Variants in CNOT4 observed in about 807,000 individuals in gnomAD.
CNOT4 encodes CCR4-associated factor 4.
In CNOT4, 8 loss-of-function variants were observed where a neutral mutation model predicts 73.8. That is an observed-to-expected ratio of 0.11 (90% confidence interval 0.06 to 0.20). CNOT4 has a LOEUF of 0.20. Ranked by LOEUF, CNOT4 falls within the 10% of genes least tolerant of loss-of-function variation. The pLI, the probability that CNOT4 is intolerant of heterozygous loss-of-function variation, is 1.00. For synonymous variants in CNOT4, 293 were observed against 321.1 expected, an observed-to-expected ratio of 0.91 and a Z score of 0.94; for missense variants, 564 against 883.4, an observed-to-expected ratio of 0.64 and a Z score of 4.58.
intron 1 of CNOT4, among the ~76,000 whole-genome samples, chr7:135,451,702 T>C (rs1369486616): frequency 1.3e-5 from 2 of 152,196 alleles, no homozygotes; most frequent in Non-Finnish European, 2.9e-5. Flanking sequence ...TGACTACCTT[T>C]AGGAAAATAA....
intron 1 of CNOT4, among the ~76,000 whole-genome samples, chr7:135,481,773 C>T (rs1582634): frequency 0.29 from 43,743 of 152,048 alleles, 6,578 homozygotes; most frequent in East Asian, 0.52. Flanking sequence ...GAAATCATGT[C>T]ATTTGCAGCA....
chr7:135,425,355 C>T (rs1798434581), intron 2 of CNOT4, among the ~76,000 whole-genome samples: 1 of 152,212 alleles, frequency 6.6e-6, no homozygotes, highest in South Asian at 2.1e-4. Flanking sequence ...TTTGAAAATA[C>T]ATGAACACAA....
At chr7:135,447,489 C>T (rs1234035415) in intron 1 of CNOT4, among the ~76,000 whole-genome samples, 2 of 152,084 alleles carry the variant, frequency 1.3e-5, no homozygotes, top group Non-Finnish European at 1.5e-5. Context: ...TGCTGTTATA[C>T]AAAAAAATCA....
chr7:135,464,697 A>G (rs1316825176), intron 1 of CNOT4, among the ~76,000 whole-genome samples: 3 of 152,116 alleles, frequency 2.0e-5, no homozygotes, highest in Admixed American at 2.0e-4. Flanking sequence ...AACCTACAAT[A>G]GGAATAAAAT....
intron 1 of CNOT4, among the ~76,000 whole-genome samples, chr7:135,444,167 A>C (rs1278071431): frequency 6.8e-6 from 1 of 146,020 alleles, no homozygotes; most frequent in Non-Finnish European, 1.5e-5. Context: ...AATAATAATA[A>C]TAATAATACA....
intron 2 of CNOT4, among the ~76,000 whole-genome samples, chr7:135,425,057 G>A (rs1461983081): frequency 6.6e-6 from 1 of 152,156 alleles, no homozygotes; most frequent in African/African-American, 2.4e-5. Flanking sequence ...AGTGGACTCT[G>A]CAGAATAAGA....
intron 1 of CNOT4, among the ~76,000 whole-genome samples, chr7:135,442,674 A>G (rs1363238249): frequency 1.3e-5 from 2 of 152,232 alleles, no homozygotes; most frequent in Non-Finnish European, 2.9e-5. Context: ...AGACATAGAA[A>G]TATCTTTTTA....
chr7:135,467,409 T>C (rs1801287501), intron 1 of CNOT4, among the ~76,000 whole-genome samples: 1 of 152,142 alleles, frequency 6.6e-6, no homozygotes, highest in Non-Finnish European at 1.5e-5. Flanking sequence ...CTTTATGATG[T>C]AAAGACATAA....
At chr7:135,412,832 C>G (rs1352541524) in intron 6 of CNOT4, among the ~76,000 whole-genome samples, 1 of 151,874 alleles carries the variant, frequency 6.6e-6, no homozygotes, top group African/African-American at 2.4e-5. Flanking sequence ...TGGTATAATC[C>G]TCATTTAATA....
rs1470083388 is a variant in CNOT4 at position 135,389,138 on chromosome 7, T to A, written c.1627+4780A>T. ...GAGATAAGAACAAATACAATAGATTTAGATTATAAACATACTACCAAAAAA... is the reference window on the plus strand; with the variant it reads ...GAGATAAGAACAAATACAATAGATTAAGATTATAAACATACTACCAAAAAA... On this transcript the variant is annotated intron_variant, in intron 10 of 11. Coordinates refer to ENST00000541284, the MANE Select transcript of CNOT4 (RefSeq NM_001190850.2). Among the ~76,000 whole-genome samples, 22 of 129,368 alleles carry A rather than the reference T, an allele frequency of 1.7e-4. 1 individual carries two copies. Among genetic ancestry groups the A allele is most frequent in the Admixed American group, 9.3e-4 (12 of 12,930 alleles). 84.9% of individuals were successfully genotyped at this position (129,368 alleles called of 152,430 possible).
chr7:135,508,898 C>A (rs1804544972), intron 1 of CNOT4, among the ~76,000 whole-genome samples: 1 of 151,922 alleles, frequency 6.6e-6, no homozygotes, highest in South Asian at 2.1e-4. Flanking sequence ...ATCCAAAGAA[C>A]GCTTAGTAGC....
Position 135,364,217 on chromosome 7 carries a change from G to A in CNOT4, c.1628-151C>T, listed in dbSNP as rs999671137. ...GGGTTGTCCTAGCAAGATAAACTTGGTTAGGATTTTGCTCGTGAGCTCAGA... is the reference window on the plus strand; with the variant it reads ...GGGTTGTCCTAGCAAGATAAACTTGATTAGGATTTTGCTCGTGAGCTCAGA... On this transcript the variant is annotated intron_variant, in intron 10 of 11. Transcript: ENST00000541284. The surrounding 1 kb of genome is among the most constrained non-coding windows in gnomAD (Gnocchi z 4.3). 3.9e-5 allele frequency among the ~76,000 whole-genome samples: 6 copies of A among 152,198 alleles called. No homozygotes were observed. The highest frequency in any genetic ancestry group is 1.2e-4 in the African/African-American group (5 of 41,444).
At chr7:135,420,434 A>AGGTG (rs1043799218) in intron 3 of CNOT4, among the ~76,000 whole-genome samples, 70 of 151,880 alleles carry the variant, frequency 4.6e-4, no homozygotes, top group African/African-American at 1.7e-3. Context: ...AAAACTAGCC[A>AGGTG]GGTGTGGTGA....
rs1182899936 is a variant in CNOT4 at position 135,393,900 on chromosome 7, G to C, written c.1627+18C>G. 1 of 1,559,528 alleles carries C rather than the reference G, an allele frequency of 6.4e-7. No homozygotes were observed. The highest frequency in any genetic ancestry group is 1.4e-5 in the African/African-American group (1 of 72,652). On this transcript the variant is annotated intron_variant, in intron 10 of 11. Coordinates refer to ENST00000541284, the MANE Select transcript of CNOT4 (RefSeq NM_001190850.2). ...TATGAGTTATTCAAAAATTCTCAAA[G>C]GTTTTAAATGAACCTACCTGCTACA...
At chr7:135,468,579 C>T (rs879543682) in intron 1 of CNOT4, among the ~76,000 whole-genome samples, 1 of 151,438 alleles carries the variant, frequency 6.6e-6, no homozygotes, top group Non-Finnish European at 1.5e-5. Flanking sequence ...TACTCAGGAG[C>T]CTGAGACATG....
At chr7:135,388,766 G>A (rs1045624) in intron 10 of CNOT4, 20 of 1,606,340 alleles carry the variant, frequency 1.2e-5, no homozygotes, top group Non-Finnish European at 1.5e-5. Context: ...GCACCCCAGA[G>A]TCTAATCCTC....
chr7:135,430,135 G>A (rs1798729853), intron 2 of CNOT4, among the ~76,000 whole-genome samples: 1 of 152,174 alleles, frequency 6.6e-6, no homozygotes, highest in South Asian at 2.1e-4. Flanking sequence ...AACTCTTTCA[G>A]AAGGCAGAAG....
At chr7:135,437,384 T>A (rs1051963732) in intron 2 of CNOT4, among the ~76,000 whole-genome samples, 4 of 152,122 alleles carry the variant, frequency 2.6e-5, no homozygotes, top group African/African-American at 7.2e-5. Context: ...AGAGACAGGG[T>A]TTCACTGTGT....
intron 7 of CNOT4, among the ~76,000 whole-genome samples, chr7:135,403,078 C>T (rs1797087571): frequency 6.6e-6 from 1 of 152,136 alleles, no homozygotes. Flanking sequence ...TTTTTACTTA[C>T]ATTTTAAACA....
Sources: allele counts gnomAD v4.1 joint callset (sites outside exome capture counted in the v4.1 genomes callset), GRCh38; gene constraint gnomAD v4.1.1; non-coding constraint Gnocchi (gnomAD v3.1); transcripts MANE v1.5; gene names NCBI Gene and HGNC (gene_info 2026-07-23, HGNC 2026-07-21).